Variants in HSF2BP observed in about 807,000 individuals in gnomAD.
HSF2BP encodes the protein heat shock factor 2-binding protein.
A neutral mutation model predicts 35.0 loss-of-function variants in HSF2BP; 35 were observed. The ratio of observed to expected loss-of-function variants is 1.00; its 90% CI spans 0.76 to 1.32. The LOEUF is 1.32. HSF2BP is among the 40% of genes most tolerant of loss of function. The probability of loss-of-function intolerance (pLI) is 0.00; values close to 1 mark genes in which losing one functional copy is unlikely to be tolerated. For synonymous variants in HSF2BP, 114 were observed against 117.4 expected (o/e 0.97, Z 0.18); for missense variants, 326 against 321.7 (o/e 1.01, Z -0.10).
At chr21:43,634,198 A>G (rs1450823078) in intron 4 of HSF2BP, among the ~76,000 whole-genome samples, 1 of 152,162 alleles carries the variant, frequency 6.6e-6, no homozygotes, top group African/African-American at 2.4e-5. Context: ...GGTGACCTGT[A>G]GCTGGGCAAG....
chr21:43,610,926 C>A (rs1325019055), intron 7 of HSF2BP, among the ~76,000 whole-genome samples: 3 of 152,118 alleles, frequency 2.0e-5, no homozygotes, highest in Admixed American at 6.5e-5. Context: ...GCCCATCAGT[C>A]AGGGAAGGAT....
chr21:43,624,117 G>A (rs1199650373), intron 6 of HSF2BP, among the ~76,000 whole-genome samples: 1 of 152,172 alleles, frequency 6.6e-6, no homozygotes, highest in Non-Finnish European at 1.5e-5. Flanking sequence ...ACTACACCCT[G>A]CTATTCCACC....
At chr21:43,657,990 G>A (rs2082901347) in intron 2 of HSF2BP, 71 bp downstream of exon 2, 1 of 1,531,990 alleles carries the variant, frequency 6.5e-7, no homozygotes, top group East Asian at 2.5e-5. Flanking sequence ...GAGCGCACGG[G>A]GCGAGGCCCT....
chr21:43,606,192 G>A (rs1216725179), intron 7 of HSF2BP, among the ~76,000 whole-genome samples: 2 of 152,254 alleles, frequency 1.3e-5, no homozygotes, highest in Admixed American at 6.5e-5. Flanking sequence ...GTGGAAATGA[G>A]TGGGAGCTGA....
chr21:43,591,145 T>C (rs1568893251), intron 8 of HSF2BP, among the ~76,000 whole-genome samples: 1 of 152,190 alleles, frequency 6.6e-6, no homozygotes, highest in Non-Finnish European at 1.5e-5. Context: ...TGTATACTCA[T>C]TAAACAACAT....
Position 43,591,249 on chromosome 21 carries a change from T to G in HSF2BP, c.796+976A>C, listed in dbSNP as rs1601631135. Among the ~76,000 whole-genome samples, 7 of 152,346 alleles carry G rather than the reference T, an allele frequency of 4.6e-5. 1 individual carries two copies. The South Asian group carries it at 1.2e-3, about 27-fold the overall frequency. ...GAAAGGATGCAGTAAAGATAGCTTT[T>G]TAAAGAAATTTTAAAACACACACAT... On this transcript the variant is annotated intron_variant, in intron 8 of 8. Coordinates refer to ENST00000291560, the MANE Select transcript of HSF2BP (RefSeq NM_007031.2).
intron 7 of HSF2BP, among the ~76,000 whole-genome samples, chr21:43,611,071 A>G (rs1453720663): frequency 2.0e-5 from 3 of 152,132 alleles, no homozygotes; most frequent in East Asian, 3.9e-4. Context: ...CCCCGTCTCT[A>G]CAAAAAAATT....
At chr21:43,608,202 A>G (rs1601659721) in intron 7 of HSF2BP, among the ~76,000 whole-genome samples, 1 of 152,240 alleles carries the variant, frequency 6.6e-6, no homozygotes, top group Non-Finnish European at 1.5e-5. Flanking sequence ...TGGATCCAAC[A>G]AAAGTCTAAT....
At chr21:43,643,427 G>C (rs892987308) in intron 4 of HSF2BP, among the ~76,000 whole-genome samples, 2 of 152,124 alleles carry the variant, frequency 1.3e-5, no homozygotes, top group Non-Finnish European at 2.9e-5. Context: ...TCTCTGGAGG[G>C]TGAGTGAGTT....
chr21:43,657,250 C>T (rs1412993063), intron 2 of HSF2BP, among the ~76,000 whole-genome samples: 2 of 152,228 alleles, frequency 1.3e-5, no homozygotes, highest in African/African-American at 2.4e-5. Context: ...GGCGCCTGTA[C>T]GCAGCAGGCT....
the HSF2BP span, among the ~76,000 whole-genome samples, chr21:43,467,852 CCACACACCACA>C: frequency 9.8e-6 from 1 of 102,502 alleles, no homozygotes; most frequent in Non-Finnish European, 2.1e-5. Context: ...CACATACACA[CCACACACCACA>C]CACACACCAA....
intron 1 of HSF2BP, among the ~76,000 whole-genome samples, chr21:43,658,916 G>T (rs1050852170): frequency 5.3e-5 from 8 of 152,228 alleles, no homozygotes; most frequent in Non-Finnish European, 8.8e-5. Flanking sequence ...CCACCCGGGG[G>T]CCCGGGGGCT....
At chr21:43,578,828 G>C (rs1014748797) in intron 8 of HSF2BP, among the ~76,000 whole-genome samples, 3 of 152,224 alleles carry the variant, frequency 2.0e-5, no homozygotes, top group Admixed American at 6.5e-5. Flanking sequence ...GGCCATGGCT[G>C]TCTGCTCCAC....
chr21:43,656,105 C>T (rs961362287), intron 3 of HSF2BP, among the ~76,000 whole-genome samples: 3 of 152,204 alleles, frequency 2.0e-5, no homozygotes, highest in Non-Finnish European at 4.4e-5. Flanking sequence ...AACATAACAG[C>T]TCAGCTCAAA....
chr21:43,616,394 A>G (rs2146935060), intron 6 of HSF2BP, among the ~76,000 whole-genome samples: 1 of 152,370 alleles, frequency 6.6e-6, no homozygotes, highest in Middle Eastern at 3.4e-3. Flanking sequence ...CAGTAATCCC[A>G]GCACTTTGGA....
intron 3 of HSF2BP, among the ~76,000 whole-genome samples, chr21:43,646,585 T>TA (rs913571374): frequency 1.3e-5 from 2 of 152,236 alleles, no homozygotes; most frequent in African/African-American, 4.8e-5. Flanking sequence ...TTATCATGTG[T>TA]AAAAACCTGT....
intron 8 of HSF2BP, among the ~76,000 whole-genome samples, chr21:43,573,001 A>G (rs920443475): frequency 6.6e-6 from 1 of 152,264 alleles, no homozygotes; most frequent in Non-Finnish European, 1.5e-5. Context: ...CTTGTTCTAC[A>G]ACACTAGCGG....
In HSF2BP at chr21:43,657,769, AAG is replaced by A. The variant is rs996481541; in HGVS notation, c.36+290_36+291del. ...GGAACTGGGCTTCCACGGAGCAGAGAAGAGAGTGACCATCCATCCCACGCTCC... is the reference window on the plus strand; with the variant it reads ...GGAACTGGGCTTCCACGGAGCAGAGAAGAGTGACCATCCATCCCACGCTCC... On this transcript the variant is annotated intron_variant, in intron 2 of 8. Transcript: ENST00000291560. 6.7e-6 allele frequency: 6 copies of A among 894,014 alleles called. No individual in the cohort carries two copies. In the Admixed American group the frequency reaches 3.7e-4, roughly 55 times the overall value. 55.4% of individuals were successfully genotyped at this position (894,014 alleles called of 1,614,324 possible).
chr21:43,576,744 C>T lies in HSF2BP; in HGVS notation c.796+15481G>A, dbSNP rs560354376. Among the ~76,000 whole-genome samples, 240 of 152,230 alleles carry T rather than the reference C, an allele frequency of 1.6e-3. 2 individuals carry two copies. Among genetic ancestry groups the T allele is most frequent in the African/African-American group, 5.5e-3 (229 of 41,528 alleles). ...ACATGCAAAGTGAAGTGAAACATGGCGAATTTCAGTTTTTAAAAACTTTCA... is the reference window on the plus strand; with the variant it reads ...ACATGCAAAGTGAAGTGAAACATGGTGAATTTCAGTTTTTAAAAACTTTCA... On this transcript the variant is annotated intron_variant, in intron 8 of 8. Transcript: ENST00000291560.
Sources: gnomAD v4.1 joint callset for allele counts (sites outside exome capture counted in the v4.1 genomes callset) on GRCh38, gnomAD v4.1.1 for gene constraint, MANE v1.5 for transcripts, NCBI Gene and HGNC (gene_info 2026-07-23, HGNC 2026-07-21) for gene names.